XPR1: variants seen among roughly 807,000 people sequenced by gnomAD.
The protein encoded by XPR1 is xenotropic and polytropic retrovirus receptor 1.
XPR1 carries 28 observed loss-of-function variants against 87.5 expected under a neutral mutation model. The ratio of observed to expected loss-of-function variants is 0.32; its 90% CI spans 0.24 to 0.44. The LOEUF is 0.44. Among genes scored for constraint, XPR1 ranks in the 20% least tolerant of loss-of-function variants. The pLI is 1.00. For synonymous variants in XPR1, 300 were observed against 306.1 expected, an observed-to-expected ratio of 0.98 and a Z score of 0.21; for missense variants, 559 against 862.3, an observed-to-expected ratio of 0.65 and a Z score of 4.41.
At chr1:180,633,537 A>T (rs1654664204) in intron 1 of XPR1, among the ~76,000 whole-genome samples, 1 of 152,206 alleles carries the variant, frequency 6.6e-6, no homozygotes, top group African/African-American at 2.4e-5. Context: ...AGGGAAAGAG[A>T]TGCAGGTAGG....
At chr1:180,679,416 C>G (rs142708451) in intron 1 of XPR1, among the ~76,000 whole-genome samples, 3 of 152,238 alleles carry the variant, frequency 2.0e-5, no homozygotes, top group African/African-American at 4.8e-5. Flanking sequence ...GCTAAAAATT[C>G]TATAATGCGC....
At chr1:180,855,103 G>C (rs1309621829) in intron 11 of XPR1, among the ~76,000 whole-genome samples, 3 of 152,102 alleles carry the variant, frequency 2.0e-5, no homozygotes, top group African/African-American at 7.2e-5. Context: ...TTCTGTGAAA[G>C]ACATTACAAT....
At chr1:180,766,228 T>C (rs566510937) in intron 2 of XPR1, among the ~76,000 whole-genome samples, 8 of 152,292 alleles carry the variant, frequency 5.3e-5, no homozygotes, top group Admixed American at 4.6e-4. Flanking sequence ...TGTGCACATT[T>C]CCAAAAAAAT....
At chr1:180,827,010 C>T (rs1021695334) in intron 9 of XPR1, among the ~76,000 whole-genome samples, 10 of 151,834 alleles carry the variant, frequency 6.6e-5, no homozygotes, top group East Asian at 5.8e-4. Flanking sequence ...AAAAATTAGC[C>T]GAGTGAGGTG....
intron 1 of XPR1, 77 bp downstream of exon 1, chr1:180,632,347 C>T (rs1571657120): frequency 2.0e-6 from 3 of 1,525,210 alleles, no homozygotes; most frequent in South Asian, 1.2e-5. Flanking sequence ...CGCCGCCTTC[C>T]GCTTCAGCTG....
At chr1:180,754,674 C>A (rs1233040702) in intron 2 of XPR1, among the ~76,000 whole-genome samples, 7 of 152,034 alleles carry the variant, frequency 4.6e-5, no homozygotes, top group African/African-American at 1.7e-4. Flanking sequence ...GCTGCCCAGG[C>A]TGGTCTTGAG....
intron 2 of XPR1, among the ~76,000 whole-genome samples, chr1:180,711,506 C>T (rs909755521): frequency 4.6e-5 from 7 of 151,856 alleles, no homozygotes; most frequent in Admixed American, 6.6e-5. Flanking sequence ...TGCAGGCACT[C>T]GGCAGGCTGA....
At position 180,737,651 on chromosome 1, in the gene XPR1, T is replaced by C. The variant is rs191409198; in HGVS notation, c.122-50102T>C. Among the ~76,000 whole-genome samples, 232 of 152,330 alleles carry C rather than the reference T, an allele frequency of 1.5e-3. 3 individuals carry two copies. Among genetic ancestry groups the C allele is most frequent in the Admixed American group, 0.015 (230 of 15,306 alleles). ...ATAACCCGCGCCAGCTGCTGATCTGTTTGTCATTACTATATTTTTAACATT... is the reference window on the plus strand; with the variant it reads ...ATAACCCGCGCCAGCTGCTGATCTGCTTGTCATTACTATATTTTTAACATT... On this transcript the variant is annotated intron_variant, in intron 2 of 14. Transcript: ENST00000367590.
At chr1:180,838,961 A>G (rs909240634) in intron 11 of XPR1, among the ~76,000 whole-genome samples, 4 of 152,220 alleles carry the variant, frequency 2.6e-5, no homozygotes, top group Admixed American at 1.3e-4. Context: ...TGTATTACAC[A>G]TTTAATTTTT....
At chr1:180,772,971 C>A (rs1648578383) in intron 2 of XPR1, among the ~76,000 whole-genome samples, 1 of 152,186 alleles carries the variant, frequency 6.6e-6, no homozygotes, top group Non-Finnish European at 1.5e-5. Context: ...TTTACTCTAT[C>A]ACTCTATCAT....
At chr1:180,811,636 T>G (rs1571860667) in intron 7 of XPR1, 148 bp downstream of exon 7, 4 of 575,146 alleles carry the variant, frequency 7.0e-6, no homozygotes, top group Admixed American at 3.6e-5. Flanking sequence ...ATAAATGTGG[T>G]TTTTTTTAGT....
intron 14 of XPR1, 127 bp from the exon 15 acceptor site, chr1:180,883,879 A>T: frequency 1.3e-6 from 1 of 743,956 alleles, no homozygotes; most frequent in South Asian, 1.9e-5. Flanking sequence ...TCCGTCTGGT[A>T]CAGCAGATAG....
At chr1:180,663,808 T>C (rs1655859895) in intron 1 of XPR1, among the ~76,000 whole-genome samples, 1 of 152,148 alleles carries the variant, frequency 6.6e-6, no homozygotes. Context: ...ACCTTAGAAA[T>C]CTACCTGGTG....
At chr1:180,742,878 G>T (rs969088783) in intron 2 of XPR1, among the ~76,000 whole-genome samples, 9 of 151,944 alleles carry the variant, frequency 5.9e-5, no homozygotes, top group Non-Finnish European at 1.3e-4. Flanking sequence ...TCTTTTATGA[G>T]ATGTGATATC....
At chr1:180,739,256 A>G (rs1658842207) in intron 2 of XPR1, among the ~76,000 whole-genome samples, 1 of 152,164 alleles carries the variant, frequency 6.6e-6, no homozygotes, top group Non-Finnish European at 1.5e-5. Context: ...CCTTTGCCAA[A>G]TACCACAGTG....
intron 10 of XPR1, 40 bp from the exon 11 acceptor site, chr1:180,836,482 T>G (rs774508360): frequency 6.2e-7 from 1 of 1,611,346 alleles, no homozygotes. Flanking sequence ...ACAAGTTACT[T>G]TTTTTCAATG....
intron 1 of XPR1, among the ~76,000 whole-genome samples, chr1:180,679,667 C>T (rs1656495835): frequency 1.3e-5 from 2 of 152,124 alleles, no homozygotes; most frequent in Admixed American, 6.5e-5. Flanking sequence ...ATCCAGATTA[C>T]CTAAATATGG....
At chr1:180,656,587 A>AT (rs1655529505) in intron 1 of XPR1, among the ~76,000 whole-genome samples, 1 of 97,868 alleles carries the variant, frequency 1.0e-5, no homozygotes, top group African/African-American at 3.9e-5. Context: ...ATGTATGTAT[A>AT]ATATATATTT....
intron 11 of XPR1, among the ~76,000 whole-genome samples, chr1:180,838,447 A>T (rs1651383853): frequency 6.6e-6 from 1 of 152,182 alleles, no homozygotes; most frequent in Admixed American, 6.5e-5. Flanking sequence ...GCATTCAGTA[A>T]AAAGCTGAAA....
Sources: gnomAD v4.1 joint callset for allele counts (sites outside exome capture counted in the v4.1 genomes callset) on GRCh38, gnomAD v4.1.1 for gene constraint, MANE v1.5 for transcripts, NCBI Gene and HGNC (gene_info 2026-07-23, HGNC 2026-07-21) for gene names.